The following CDH18 variants were observed in gnomAD, a reference collection of about 807,000 sequenced individuals.
CDH18 encodes cadherin-18.
A neutral mutation model predicts 67.9 loss-of-function variants in CDH18; 31 were observed. The observed-to-expected ratio is 0.46, with a 90% confidence interval of 0.34 to 0.62. The LOEUF is 0.62. Ranked by LOEUF, CDH18 falls within the 20% of genes least tolerant of loss-of-function variation. The probability of loss-of-function intolerance (pLI) is 0.01; values close to 1 mark genes in which losing one functional copy is unlikely to be tolerated. For synonymous variants in CDH18, 362 were observed against 347.2 expected, an observed-to-expected ratio of 1.04 and a Z score of -0.48; for missense variants, 890 against 975.5, an observed-to-expected ratio of 0.91 and a Z score of 1.17.
intron 2 of CDH18, among the ~76,000 whole-genome samples, chr5:19,894,881 T>A (rs142157751): frequency 2.5e-4 from 38 of 152,256 alleles, no homozygotes; most frequent in African/African-American, 9.1e-4. Context: ...AATGATGAGG[T>A]TAGTCTTTAA....
intron 3 of CDH18, among the ~76,000 whole-genome samples, chr5:19,750,833 C>A (rs1482605637): frequency 6.8e-6 from 1 of 147,342 alleles, no homozygotes; most frequent in Non-Finnish European, 1.5e-5. Flanking sequence ...GAATGTAACA[C>A]CTCATATATA....
chr5:20,572,119 G>T (rs1476561906), intron 1 of CDH18, among the ~76,000 whole-genome samples: 2 of 151,870 alleles, frequency 1.3e-5, no homozygotes, highest in African/African-American at 4.8e-5. Flanking sequence ...TTTATATAAT[G>T]TCAGCATACA....
At chr5:19,530,337 A>G (rs1215729697) in intron 9 of CDH18, among the ~76,000 whole-genome samples, 3 of 152,138 alleles carry the variant, frequency 2.0e-5, no homozygotes, top group Admixed American at 1.3e-4. Flanking sequence ...AAACTAATAA[A>G]GGAAATTTTT....
Position 19,999,566 on chromosome 5 carries a change from C to T in CDH18, c.-517-7552G>A, listed in dbSNP as rs7715334. ...GCAGTGAGTTGAGATTGCGCCATTG[C>T]GCTCCAGGCTGGGCAAAAAGAATGA... is the stretch of plus-strand genomic sequence containing the variant. On this transcript the variant is annotated intron_variant, in intron 2 of 14. Coordinates refer to the CDH18 transcript ENST00000507958. 1.3e-4 allele frequency among the ~76,000 whole-genome samples: 20 copies of T among 152,186 alleles called. No individual in the cohort carries two copies. In the East Asian group the frequency reaches 2.3e-3, roughly 18 times the overall value.
intron 2 of CDH18, among the ~76,000 whole-genome samples, chr5:20,244,874 A>G (rs1354805820): frequency 1.3e-5 from 2 of 152,166 alleles, no homozygotes; most frequent in African/African-American, 4.8e-5. Flanking sequence ...AGAGAGAGAA[A>G]GAAACAGACA....
At chr5:20,067,640 T>C (rs1743097110) in intron 2 of CDH18, among the ~76,000 whole-genome samples, 1 of 152,092 alleles carries the variant, frequency 6.6e-6, no homozygotes, top group Non-Finnish European at 1.5e-5. Context: ...CAGTGTACTG[T>C]AGCAAAGCTA....
At chr5:20,500,937 T>C (rs1046779069) in intron 1 of CDH18, among the ~76,000 whole-genome samples, 9 of 152,172 alleles carry the variant, frequency 5.9e-5, no homozygotes, top group Non-Finnish European at 1.2e-4. Flanking sequence ...TAGTTTATAA[T>C]TTTGTTTCTA....
chr5:19,765,666 C>T (rs58017518), intron 3 of CDH18, among the ~76,000 whole-genome samples: 47,489 of 151,798 alleles, frequency 0.31, 8,561 homozygotes, highest in African/African-American at 0.51. Context: ...GGGAATTCAA[C>T]GAATGGGGAG....
intron 5 of CDH18, among the ~76,000 whole-genome samples, chr5:19,719,720 C>T (rs1765764670): frequency 1.3e-5 from 2 of 151,718 alleles, no homozygotes. Context: ...ATCTATTTTT[C>T]ACTTTAACTA....
At chr5:19,928,492 T>C (rs1044404537) in intron 2 of CDH18, among the ~76,000 whole-genome samples, 9 of 152,064 alleles carry the variant, frequency 5.9e-5, no homozygotes, top group African/African-American at 1.9e-4. Flanking sequence ...TTGGAAGAAA[T>C]AAATGATCAT....
chr5:19,704,321 G>C (rs913524578), intron 5 of CDH18, among the ~76,000 whole-genome samples: 28 of 152,144 alleles, frequency 1.8e-4, no homozygotes, highest in Non-Finnish European at 2.8e-4. Context: ...AGCTCCTGAA[G>C]TATATCAAAG....
intron 1 of CDH18, among the ~76,000 whole-genome samples, chr5:20,281,960 C>G (rs923564005): frequency 6.6e-6 from 1 of 151,998 alleles, no homozygotes; most frequent in Non-Finnish European, 1.5e-5. Flanking sequence ...TAGGTCTTTT[C>G]TTCTCTTTGA....
intron 2 of CDH18, among the ~76,000 whole-genome samples, chr5:20,240,263 T>G (rs554611045): frequency 8.5e-6 from 1 of 117,952 alleles, no homozygotes; most frequent in South Asian, 2.8e-4. Flanking sequence ...CAAATTAAAT[T>G]TTAGCAGTAC....
intron 5 of CDH18, among the ~76,000 whole-genome samples, chr5:19,719,798 T>C (rs1379953289): frequency 6.6e-6 from 1 of 151,870 alleles, no homozygotes; most frequent in East Asian, 1.9e-4. Context: ...GTGTATGTTC[T>C]TCATTTCTAT....
Position 20,040,806 on chromosome 5 carries a change from A to G in CDH18, c.-517-48792T>C, listed in dbSNP as rs139640659. 1.2e-3 allele frequency among the ~76,000 whole-genome samples: 179 copies of G among 152,236 alleles called. 1 individual carries two copies. The highest frequency in any genetic ancestry group is 4.1e-3 in the African/African-American group (172 of 41,556). The stretch of plus-strand genomic sequence containing the variant: ...TGCTATTCTGCCCTCCTGTGAAACC[A>G]CAAGAAGAAAGACCAGTATCCATTG... On this transcript the variant is annotated intron_variant, in intron 2 of 14. Transcript: ENST00000507958.
chr5:19,707,861 T>A (rs574335013), intron 5 of CDH18, among the ~76,000 whole-genome samples: 1 of 152,222 alleles, frequency 6.6e-6, no homozygotes, highest in African/African-American at 2.4e-5. Context: ...ATAATTCCCA[T>A]GGAATCATTA....
chr5:20,389,796 A>G lies in CDH18; in HGVS notation c.-579-134291T>C, dbSNP rs541111103. The stretch of plus-strand genomic sequence containing the variant: ...TACTGGTACCAAAACAGAGATATAG[A>G]CCAATGGAAAAGAACAGAGCCCTCA... On this transcript the variant is annotated intron_variant, in intron 1 of 14. Transcript: ENST00000507958. Among the ~76,000 whole-genome samples, 5 of 152,306 alleles carry G rather than the reference A, an allele frequency of 3.3e-5. No homozygotes were observed. The East Asian group carries it at 5.8e-4, about 18-fold the overall frequency.
chr5:19,633,411 G>A (rs1300986902), intron 5 of CDH18, among the ~76,000 whole-genome samples: 2 of 152,080 alleles, frequency 1.3e-5, no homozygotes, highest in Admixed American at 1.3e-4. Context: ...ATACAAATAA[G>A]TACAGAAAAC....
intron 5 of CDH18, among the ~76,000 whole-genome samples, chr5:19,619,386 A>G (rs1750346892): frequency 6.6e-6 from 1 of 152,156 alleles, no homozygotes; most frequent in Non-Finnish European, 1.5e-5. Context: ...GACTTCAGAG[A>G]CCATAGTGAT....
Sources: allele counts gnomAD v4.1 joint callset (sites outside exome capture counted in the v4.1 genomes callset), GRCh38; gene constraint gnomAD v4.1.1; transcripts MANE v1.5; gene names NCBI Gene and HGNC (gene_info 2026-07-23, HGNC 2026-07-21).